CYYR1: variants seen among roughly 807,000 people sequenced by gnomAD.
CYYR1 encodes cysteine and tyrosine-rich protein 1.
In CYYR1, 14 loss-of-function variants were observed where a neutral mutation model predicts 15.2. The observed-to-expected ratio is 0.92, with a 90% CI of 0.61 to 1.44. The LOEUF (loss-of-function observed/expected upper bound fraction) is 1.44, where lower values mean the gene tolerates loss of function less well. Among genes scored for constraint, CYYR1 ranks in the 40% most tolerant of loss-of-function variants. CYYR1 has a pLI of 0.00. For synonymous variants in CYYR1, 80 were observed against 77.4 expected, an observed-to-expected ratio of 1.03 and a Z score of -0.18; for missense variants, 228 against 209.5, an observed-to-expected ratio of 1.09 and a Z score of -0.54.
Position 26,466,477 on chromosome 21 carries a change from G to A in CYYR1, c.*2024C>T, listed in dbSNP as rs2064969258. ...TGGGTTTGTAAAATGCCTTAAGGGA[G>A]GCCATAAACAACTCAAAGAAGAGAT... On this transcript the variant is annotated 3_prime_UTR_variant, in exon 4 of 4. Coordinates refer to ENST00000652641, the MANE Select transcript of CYYR1 (RefSeq NM_001320768.2). The A allele has an allele frequency of 6.6e-6, 1 of 152,104 alleles. No homozygotes were observed. Among genetic ancestry groups the A allele is most frequent in the Non-Finnish European group, 1.5e-5 (1 of 68,008 alleles). 9.4% of individuals were successfully genotyped at this position (152,104 alleles called of 1,614,324 possible). A position where few individuals can be genotyped will look rare whatever the true frequency, so the allele number is the denominator to read the frequency against.
At chr21:26,485,769 A>G (rs2065240591) in intron 2 of CYYR1, among the ~76,000 whole-genome samples, 1 of 152,108 alleles carries the variant, frequency 6.6e-6, no homozygotes, top group Admixed American at 6.6e-5. Context: ...ATAAACAATC[A>G]TGTACAGATT....
At chr21:26,515,977 A>G (rs1019228726) in intron 2 of CYYR1, among the ~76,000 whole-genome samples, 3 of 152,160 alleles carry the variant, frequency 2.0e-5, no homozygotes, top group Non-Finnish European at 2.9e-5. Flanking sequence ...ATTCTATAGA[A>G]TGAAGCAGTT....
intron 2 of CYYR1, among the ~76,000 whole-genome samples, chr21:26,492,740 A>G (rs555541732): frequency 6.6e-6 from 1 of 152,298 alleles, no homozygotes; most frequent in Admixed American, 6.5e-5. Flanking sequence ...TCAAGGTCGA[A>G]GAGAATAATA....
chr21:26,555,568 CT>C (rs1272378173), intron 2 of CYYR1, among the ~76,000 whole-genome samples: 3 of 152,128 alleles, frequency 2.0e-5, no homozygotes, highest in Non-Finnish European at 4.4e-5. Flanking sequence ...ACTGTAGGGT[CT>C]TTTTCTTCCT....
intron 2 of CYYR1, among the ~76,000 whole-genome samples, chr21:26,566,028 ACT>A (rs1980589493): frequency 1.3e-5 from 2 of 152,004 alleles, no homozygotes; most frequent in Non-Finnish European, 2.9e-5. Flanking sequence ...TAAAAGAATA[ACT>A]CTTTTTAGTT....
rs1980611145 is a variant in CYYR1 at position 26,566,296 on chromosome 21, G to C, written c.146C>G (p.Ser49Cys). The change falls in exon 2 of 4, where the codon TCC becomes TGC. Residue 49 changes from serine to cysteine, a missense_variant. Coordinates refer to ENST00000652641, the MANE Select transcript of CYYR1 (RefSeq NM_001320768.2). ...GATATTCCCAATATAAGCGTAGTAGGAGCAACAGTAGGGCGTGGTTCCATC... is the reference window on the plus strand; with the variant it reads ...GATATTCCCAATATAAGCGTAGTAGCAGCAACAGTAGGGCGTGGTTCCATC... ...CCDGTTPYCC[S>C]YYAYIGNILS... is the part of the protein sequence containing the mutation. The C allele has an allele frequency of 6.2e-7, 1 of 1,613,670 alleles. No homozygotes were observed. The highest frequency in any genetic ancestry group is 8.5e-7 in the Non-Finnish European group (1 of 1,179,788).
At chr21:26,559,312 G>A (rs763461384) in intron 2 of CYYR1, among the ~76,000 whole-genome samples, 3 of 151,962 alleles carry the variant, frequency 2.0e-5, no homozygotes, top group Admixed American at 6.6e-5. Context: ...CAGGCATTGC[G>A]GATACTAATC....
Position 26,480,442 on chromosome 21 carries a change from A to T in CYYR1, c.177-13T>A. On this transcript the variant is annotated splice_polypyrimidine_tract_variant and intron_variant, in intron 2 of 3. Transcript: ENST00000652641. The stretch of plus-strand genomic sequence containing the variant: ...AATTGCAGTGCCCCTAAAAGGAAAA[A>T]CAAGTAAGTTTACTCAAAAGACTTG... 2 of 1,604,728 alleles carry T rather than the reference A, an allele frequency of 1.2e-6. No homozygotes were observed. The highest frequency in any genetic ancestry group is 1.7e-6 in the Non-Finnish European group (2 of 1,175,962).
intron 2 of CYYR1, among the ~76,000 whole-genome samples, chr21:26,531,945 T>C (rs2065935800): frequency 6.6e-6 from 1 of 152,092 alleles, no homozygotes; most frequent in African/African-American, 2.4e-5. Context: ...AACATAGTGA[T>C]TAAAGTCACA....
intron 2 of CYYR1, among the ~76,000 whole-genome samples, chr21:26,490,541 G>C (rs189190464): frequency 2.0e-5 from 3 of 152,094 alleles, no homozygotes; most frequent in African/African-American, 7.2e-5. Context: ...TCTTTTTAAA[G>C]TATAAATATA....
chr21:26,518,011 C>T (rs1056215025), intron 2 of CYYR1, among the ~76,000 whole-genome samples: 8 of 152,156 alleles, frequency 5.3e-5, no homozygotes, highest in Non-Finnish European at 1.0e-4. Context: ...ACAATAACAA[C>T]GAACCTTTGT....
chr21:26,571,890 A>C (rs1203264503), intron 1 of CYYR1, among the ~76,000 whole-genome samples: 1 of 152,232 alleles, frequency 6.6e-6, no homozygotes, highest in African/African-American at 2.4e-5. Flanking sequence ...CATTTCAATA[A>C]ACAGGCTAAA....
At chr21:26,559,475 T>C (rs1980047293) in intron 2 of CYYR1, among the ~76,000 whole-genome samples, 1 of 152,184 alleles carries the variant, frequency 6.6e-6, no homozygotes, top group Admixed American at 6.6e-5. Flanking sequence ...AGTGTACAGT[T>C]CGGTGTTTTT....
At chr21:26,534,134 C>G (rs1204883727) in intron 2 of CYYR1, among the ~76,000 whole-genome samples, 1 of 152,136 alleles carries the variant, frequency 6.6e-6, no homozygotes, top group Non-Finnish European at 1.5e-5. Context: ...TTCACTAATA[C>G]TGCTATGATA....
At chr21:26,479,574 A>C (rs931228602) in intron 3 of CYYR1, among the ~76,000 whole-genome samples, 4 of 152,214 alleles carry the variant, frequency 2.6e-5, no homozygotes, top group Non-Finnish European at 5.9e-5. Context: ...ATGAAGTCAC[A>C]TGTACTCAAT....
intron 2 of CYYR1, among the ~76,000 whole-genome samples, chr21:26,492,462 C>T (rs775453828): frequency 5.9e-5 from 9 of 152,158 alleles, no homozygotes; most frequent in East Asian, 3.9e-4. Flanking sequence ...AACAATGACA[C>T]AGACATTCAC....
In CYYR1 at chr21:26,573,176, G is replaced by A. The variant is rs1601847461; in HGVS notation, c.-236C>T. 9 of 1,478,724 alleles carry A rather than the reference G, an allele frequency of 6.1e-6. No homozygotes were observed. The East Asian group carries it at 1.9e-4, about 32-fold the overall frequency. The allele number at this position is 1,478,724 out of a possible 1,614,324, so 91.6% of individuals were successfully genotyped here. On this transcript the variant is annotated 5_prime_UTR_variant, in exon 1 of 4. Transcript: ENST00000652641. ...TGGCCCGAGACGGGCTGCGCTGGGG[G>A]CCCAGGTCTCTTTGTCTCGCCCCAC... is the stretch of plus-strand genomic sequence containing the variant.
At chr21:26,560,260 A>G (rs1980107749) in intron 2 of CYYR1, among the ~76,000 whole-genome samples, 1 of 152,082 alleles carries the variant, frequency 6.6e-6, no homozygotes, top group Non-Finnish European at 1.5e-5. Context: ...TTGATTGTTG[A>G]TGGTATGTAG....
intron 2 of CYYR1, among the ~76,000 whole-genome samples, chr21:26,553,815 C>T (rs965747690): frequency 6.6e-6 from 1 of 152,144 alleles, no homozygotes; most frequent in African/African-American, 2.4e-5. Flanking sequence ...AGCTATTTTA[C>T]CACAAACACT....
Sources: allele counts gnomAD v4.1 joint callset (sites outside exome capture counted in the v4.1 genomes callset), GRCh38; gene constraint gnomAD v4.1.1; transcripts MANE v1.5; gene names NCBI Gene and HGNC (gene_info 2026-07-23, HGNC 2026-07-21).